The following UBE3D variants were observed in gnomAD, a reference collection of about 807,000 sequenced individuals.
UBE3D encodes ubiquitin protein ligase E3D.
UBE3D carries 48 observed loss-of-function variants against 49.6 expected under a neutral mutation model. The observed-to-expected ratio is 0.97, with a 90% CI of 0.77 to 1.23. The LOEUF is 1.23. Ranked by LOEUF, UBE3D falls within the 50% of genes most tolerant of loss-of-function variation. UBE3D has a pLI of 0.00. For synonymous variants in UBE3D, 189 were observed against 174.2 expected (o/e 1.08, Z -0.67); for missense variants, 452 against 468.4 (o/e 0.96, Z 0.32).
chr6:83,046,411 T>A (rs886584264), intron 3 of UBE3D, among the ~76,000 whole-genome samples: 1 of 152,114 alleles, frequency 6.6e-6, no homozygotes, highest in Non-Finnish European at 1.5e-5. Flanking sequence ...ACTTTTCCTT[T>A]GAAATTAGTA....
intron 8 of UBE3D, among the ~76,000 whole-genome samples, chr6:82,997,874 G>C (rs1245310852): frequency 6.6e-6 from 1 of 152,166 alleles, no homozygotes; most frequent in South Asian, 2.1e-4. Flanking sequence ...ATTAGAAATG[G>C]TAGTCCACGG....
intron 8 of UBE3D, among the ~76,000 whole-genome samples, chr6:82,957,894 GA>G (rs1355542520): frequency 1.3e-5 from 2 of 152,136 alleles, no homozygotes; most frequent in African/African-American, 2.4e-5. Flanking sequence ...GGCCCTTATG[GA>G]ACATTTAGCT....
chr6:83,007,953 T>TA (rs74516915), intron 8 of UBE3D, among the ~76,000 whole-genome samples: 97,849 of 151,798 alleles, frequency 0.64, 32,569 homozygotes, highest in East Asian at 0.78. Context: ...TCAAAAAAAG[T>TA]AAAAAATATA....
chr6:82,910,063 G>A (rs1404639495), intron 9 of UBE3D, among the ~76,000 whole-genome samples: 1 of 152,156 alleles, frequency 6.6e-6, no homozygotes. Context: ...TTCTTAGACT[G>A]GGATTCAAGA....
At chr6:82,899,160 C>T (rs1310936644) in intron 9 of UBE3D, among the ~76,000 whole-genome samples, 2 of 152,114 alleles carry the variant, frequency 1.3e-5, no homozygotes, top group African/African-American at 4.8e-5. Context: ...GAGTTTGGCA[C>T]ACACTTGATC....
At chr6:82,880,986 T>C in the UBE3D span, among the ~76,000 whole-genome samples, 703 of 152,246 alleles carry the variant, frequency 4.6e-3, 9 homozygotes, top group African/African-American at 0.016. Flanking sequence ...TAAGGTCTCT[T>C]ATCTCATTCA....
intron 8 of UBE3D, among the ~76,000 whole-genome samples, chr6:83,005,041 T>C (rs1200837892): frequency 6.6e-6 from 1 of 152,012 alleles, no homozygotes; most frequent in Non-Finnish European, 1.5e-5. Flanking sequence ...ATGAACAAAG[T>C]GAAAAAGCAA....
At chr6:82,957,956 A>C (rs1314675051) in intron 8 of UBE3D, among the ~76,000 whole-genome samples, 1 of 152,230 alleles carries the variant, frequency 6.6e-6, no homozygotes. Flanking sequence ...GTTAAAAAAA[A>C]AATCTTGTAA....
intron 2 of UBE3D, among the ~76,000 whole-genome samples, chr6:83,056,237 C>A (rs1442640640): frequency 2.0e-5 from 3 of 152,142 alleles, no homozygotes. Flanking sequence ...TACTATGTCC[C>A]TGGTGGTCTC....
intron 8 of UBE3D, chr6:83,017,188 T>G (rs1440433479): frequency 2.6e-5 from 4 of 152,196 alleles, no homozygotes; most frequent in African/African-American, 9.7e-5. Flanking sequence ...TTCATTGTCA[T>G]GCCACAAACT....
intron 5 of UBE3D, among the ~76,000 whole-genome samples, chr6:83,025,436 AT>A (rs57648092): frequency 0.92 from 137,453 of 150,116 alleles, 63,725 homozygotes; most frequent in Middle Eastern, 1. Flanking sequence ...TCAAAATAAG[AT>A]TTTTTTTTTT....
intron 9 of UBE3D, among the ~76,000 whole-genome samples, chr6:82,949,408 G>A (rs1281801922): frequency 6.6e-6 from 1 of 151,926 alleles, no homozygotes; most frequent in Non-Finnish European, 1.5e-5. Context: ...TTCATGGACT[G>A]GAAGAATCAA....
intron 8 of UBE3D, among the ~76,000 whole-genome samples, chr6:82,975,523 G>C (rs1777653263): frequency 6.6e-6 from 1 of 151,982 alleles, no homozygotes; most frequent in Non-Finnish European, 1.5e-5. Flanking sequence ...TTCTTGTATT[G>C]TTTCAAATAG....
intron 4 of UBE3D, among the ~76,000 whole-genome samples, chr6:83,040,332 C>T (rs1299811748): frequency 2.0e-5 from 3 of 151,598 alleles, no homozygotes; most frequent in Non-Finnish European, 4.4e-5. Flanking sequence ...TGCAGTGAGC[C>T]GAGATTGTAC....
chr6:82,991,429 G>A lies in UBE3D; in HGVS notation c.1010+27544C>T, dbSNP rs182815189. ...CACCATAATTATTACATAAATACCT[G>A]GCATGACTCATCACTATATTGAGTT... On this transcript the variant is annotated intron_variant, in intron 8 of 9. Coordinates refer to ENST00000369747, the MANE Select transcript of UBE3D (RefSeq NM_198920.3). Among the ~76,000 whole-genome samples the A allele has an allele frequency of 2.7e-4, 41 of 152,112 alleles. 1 individual carries two copies. The highest frequency in any genetic ancestry group is 2.0e-3 in the Admixed American group (30 of 15,270).
At chr6:83,018,903 T>C in intron 8 of UBE3D, 70 bp downstream of exon 8, 3 of 1,570,982 alleles carry the variant, frequency 1.9e-6, no homozygotes, top group South Asian at 1.2e-5. Flanking sequence ...AATTCATTAA[T>C]TTCTTAACAC....
intron 8 of UBE3D, among the ~76,000 whole-genome samples, chr6:82,995,481 T>C (rs962962755): frequency 7.7e-5 from 4 of 51,634 alleles, no homozygotes; most frequent in Non-Finnish European, 1.6e-4. Flanking sequence ...AAAGGATTAA[T>C]ACTAACAATC....
chr6:83,047,152 A>T lies in UBE3D; in HGVS notation c.366-2493T>A, dbSNP rs1410316308. 5.9e-5 allele frequency among the ~76,000 whole-genome samples: 9 copies of T among 152,154 alleles called. No homozygotes were observed. The East Asian group carries it at 9.7e-4, about 16-fold the overall frequency. On this transcript the variant is annotated intron_variant, in intron 3 of 9. Transcript: ENST00000369747. Reference sequence around the variant, plus strand: ...GCACACTGGAATTAAGGGGTTAAAAACCTTTTCCCTTGCTGCTTGAGAATC... The same window carrying T: ...GCACACTGGAATTAAGGGGTTAAAATCCTTTTCCCTTGCTGCTTGAGAATC...
intron 9 of UBE3D, among the ~76,000 whole-genome samples, chr6:82,930,993 A>G (rs1278879819): frequency 6.6e-6 from 1 of 152,112 alleles, no homozygotes; most frequent in Non-Finnish European, 1.5e-5. Flanking sequence ...GGAGGAAAAA[A>G]TGGTTTCGTG....
Sources: gnomAD v4.1 joint callset for allele counts (sites outside exome capture counted in the v4.1 genomes callset) on GRCh38, gnomAD v4.1.1 for gene constraint, MANE v1.5 for transcripts, NCBI Gene and HGNC (gene_info 2026-07-23, HGNC 2026-07-21) for gene names.